Variants in TMPRSS11D observed in about 807,000 individuals in gnomAD.
The protein encoded by TMPRSS11D is transmembrane protease serine 11D.
TMPRSS11D carries 32 observed loss-of-function variants against 44.4 expected under a neutral mutation model. That is an observed-to-expected ratio of 0.72 (90% confidence interval 0.54 to 0.97). TMPRSS11D has a LOEUF of 0.97. TMPRSS11D is among the 50% of genes least tolerant of loss of function. TMPRSS11D has a pLI of 0.00. For synonymous variants in TMPRSS11D, 179 were observed against 177.9 expected (o/e 1.01, Z -0.05); for missense variants, 446 against 502.6 (o/e 0.89, Z 1.08).
chr4:67,839,920 T>A (rs1718190470), intron 4 of TMPRSS11D, among the ~76,000 whole-genome samples: 1 of 151,746 alleles, frequency 6.6e-6, no homozygotes, highest in South Asian at 2.1e-4. Context: ...CATGTTGGTG[T>A]GCTGCACCCA....
At chr4:67,879,318 A>T (rs1719265521) in intron 1 of TMPRSS11D, among the ~76,000 whole-genome samples, 2 of 151,804 alleles carry the variant, frequency 1.3e-5, no homozygotes, top group South Asian at 4.2e-4. Flanking sequence ...CATCTCTACT[A>T]AAAATACAAA....
At chr4:67,838,722 T>G (rs1219376836) in intron 4 of TMPRSS11D, among the ~76,000 whole-genome samples, 1 of 152,130 alleles carries the variant, frequency 6.6e-6, no homozygotes, top group African/African-American at 2.4e-5. Flanking sequence ...ATAAGTGTAC[T>G]ATAAATTTTA....
intron 3 of TMPRSS11D, among the ~76,000 whole-genome samples, chr4:67,851,474 C>G (rs190158260): frequency 1.3e-4 from 20 of 152,352 alleles, no homozygotes; most frequent in Middle Eastern, 3.4e-3. Context: ...CCTGGAGCCA[C>G]TGGTGCTTTG....
At chr4:67,876,057 CTCTT>C (rs563295364) in intron 1 of TMPRSS11D, among the ~76,000 whole-genome samples, 68 of 152,340 alleles carry the variant, frequency 4.5e-4, no homozygotes, top group African/African-American at 1.6e-3. Context: ...CTTGTTTACT[CTCTT>C]TCTTCTCTTT....
intron 1 of TMPRSS11D, among the ~76,000 whole-genome samples, chr4:67,879,511 G>A (rs997971690): frequency 3.3e-5 from 5 of 151,728 alleles, no homozygotes; most frequent in Non-Finnish European, 7.4e-5. Flanking sequence ...AAACTCTGGG[G>A]ACAGGAAAAT....
intron 1 of TMPRSS11D, among the ~76,000 whole-genome samples, chr4:67,867,888 C>T (rs1471883806): frequency 6.6e-6 from 1 of 152,014 alleles, no homozygotes; most frequent in Admixed American, 6.6e-5. Flanking sequence ...ATTAGTAAAA[C>T]CTCTATGAAA....
chr4:67,826,781 G>T (rs936907184), intron 8 of TMPRSS11D, among the ~76,000 whole-genome samples: 2 of 151,520 alleles, frequency 1.3e-5, no homozygotes, highest in Non-Finnish European at 2.9e-5. Context: ...AAAAAGCTGG[G>T]TATGGTGGTA....
intron 1 of TMPRSS11D, among the ~76,000 whole-genome samples, chr4:67,872,999 T>C (rs1719099674): frequency 1.3e-5 from 2 of 152,212 alleles, no homozygotes; most frequent in South Asian, 4.1e-4. Context: ...TGGGAATTGC[T>C]TTAAACCTGG....
chr4:67,856,157 C>T (rs758783049), intron 2 of TMPRSS11D, among the ~76,000 whole-genome samples: 1 of 152,030 alleles, frequency 6.6e-6, no homozygotes, highest in Non-Finnish European at 1.5e-5. Context: ...TTGTATGAAA[C>T]AAAGAGCCCA....
chr4:67,877,183 T>C (rs1395787511), intron 1 of TMPRSS11D, among the ~76,000 whole-genome samples: 1 of 152,206 alleles, frequency 6.6e-6, no homozygotes. Flanking sequence ...TTTTGCTAAT[T>C]GCATCTCCTC....
chr4:67,874,944 A>G (rs574310970), intron 1 of TMPRSS11D, among the ~76,000 whole-genome samples: 1 of 152,334 alleles, frequency 6.6e-6, no homozygotes, highest in Admixed American at 6.5e-5. Flanking sequence ...TGAATCATGG[A>G]CCAAACCCAA....
chr4:67,872,222 C>A (rs905662105), intron 1 of TMPRSS11D, among the ~76,000 whole-genome samples: 3 of 152,186 alleles, frequency 2.0e-5, no homozygotes, highest in Admixed American at 2.0e-4. Context: ...CCAAAATGGC[C>A]AAAATAAAAT....
chr4:67,824,904 G>A (rs1717754634), intron 9 of TMPRSS11D, among the ~76,000 whole-genome samples: 1 of 152,058 alleles, frequency 6.6e-6, no homozygotes, highest in Admixed American at 6.6e-5. Context: ...TTGGATTTCA[G>A]ATATGTGAAC....
intron 3 of TMPRSS11D, among the ~76,000 whole-genome samples, chr4:67,851,584 A>G (rs1718510359): frequency 6.6e-6 from 1 of 151,992 alleles, no homozygotes; most frequent in South Asian, 2.1e-4. Flanking sequence ...TTCGTTAGGG[A>G]TTGTTCATCT....
chr4:67,838,202 G>A lies in TMPRSS11D; in HGVS notation c.445C>T (p.Leu149=), dbSNP rs1173964143. The A allele has an allele frequency of 6.3e-7, 1 of 1,579,260 alleles. No homozygotes were observed. Among genetic ancestry groups the A allele is most frequent in the Non-Finnish European group, 8.6e-7 (1 of 1,165,358 alleles). Residue 149 remains leucine, a synonymous_variant, in exon 5 of 10, where the codon CTG becomes TTG. Coordinates refer to ENST00000283916, the MANE Select transcript of TMPRSS11D (RefSeq NM_004262.3). The part of the protein sequence containing the change: ...LRQMLNNSGN[L]EINPSTEITS... ...ATCTCAGTTGAAGGGTTTATTTCCAGGTTTCCAGAGTTATTCAGCATTTGT... is the reference window on the plus strand; with the variant it reads ...ATCTCAGTTGAAGGGTTTATTTCCAAGTTTCCAGAGTTATTCAGCATTTGT...
intron 7 of TMPRSS11D, among the ~76,000 whole-genome samples, chr4:67,832,857 C>G (rs765493376): frequency 4.6e-5 from 7 of 151,816 alleles, no homozygotes; most frequent in Non-Finnish European, 1.0e-4. Flanking sequence ...ACCAGTAACA[C>G]TAAGTCACAG....
chr4:67,839,933 A>G (rs1467411379), intron 4 of TMPRSS11D, among the ~76,000 whole-genome samples: 3 of 150,648 alleles, frequency 2.0e-5, no homozygotes, highest in African/African-American at 4.9e-5. Context: ...TGCACCCATT[A>G]ACTCGTCATT....
chr4:67,829,446 T>TA (rs1717890560), intron 7 of TMPRSS11D, among the ~76,000 whole-genome samples: 1 of 9,854 alleles, frequency 1.0e-4, no homozygotes. Flanking sequence ...AACAGTAGCG[T>TA]TAAAAAAAAA....
chr4:67,873,046 C>T (rs1719100569), intron 1 of TMPRSS11D, among the ~76,000 whole-genome samples: 1 of 152,170 alleles, frequency 6.6e-6, no homozygotes, highest in South Asian at 2.1e-4. Flanking sequence ...TTTTCATCAA[C>T]TGTCATGTGT....
Sources: gnomAD v4.1 joint callset for allele counts (sites outside exome capture counted in the v4.1 genomes callset) on GRCh38, gnomAD v4.1.1 for gene constraint, MANE v1.5 for transcripts, NCBI Gene and HGNC (gene_info 2026-07-23, HGNC 2026-07-21) for gene names.